Variants in NTF3 observed in about 807,000 individuals in gnomAD.
NTF3 encodes neurotrophin-3.
A neutral mutation model predicts 26.3 loss-of-function variants in NTF3; 8 were observed. The ratio of observed to expected loss-of-function variants is 0.30; its 90% CI spans 0.18 to 0.55. NTF3 has a LOEUF of 0.55. Among genes scored for constraint, NTF3 ranks in the 20% least tolerant of loss-of-function variants. NTF3 has a pLI of 0.93. For missense variants in NTF3, 276 were observed against 352.9 expected (o/e 0.78, Z 1.75); for synonymous variants, 154 against 145.5 (o/e 1.06, Z -0.42).
chr12:5,430,886 G>C (rs2121122602), upstream of NTF3, among the ~76,000 whole-genome samples: 1 of 152,120 alleles, frequency 6.6e-6, no homozygotes, highest in Middle Eastern at 3.4e-3. Context: ...GGGATGAGGG[G>C]CTTGGAGCGG....
chr12:5,430,805 C>T (rs903502951), upstream of NTF3, among the ~76,000 whole-genome samples: 2 of 152,014 alleles, frequency 1.3e-5, no homozygotes, highest in East Asian at 1.9e-4. Context: ...CGCTGCCCTT[C>T]CCAGTCGCGC....
chr12:5,457,455 C>G (rs1227371987), intron 1 of NTF3, among the ~76,000 whole-genome samples: 1 of 152,158 alleles, frequency 6.6e-6, no homozygotes, highest in Non-Finnish European at 1.5e-5. Context: ...ACCCTCTTTC[C>G]TTGGTAGGAT....
At position 5,494,995 on chromosome 12, in the gene NTF3, A is replaced by T; in HGVS notation, c.*7A>T. ...AAAAATCGGAAGAACATGAATTGGC[A>T]TCTCTCCCCATATATAAATTATTAC... On this transcript the variant is annotated 3_prime_UTR_variant, in exon 2 of 2. Transcript: ENST00000423158. The surrounding 1 kb of genome is among the most constrained non-coding windows in gnomAD (Gnocchi z 8.3). 1.2e-6 allele frequency: 2 copies of T among 1,610,498 alleles called. No individual in the cohort carries two copies. The highest frequency in any genetic ancestry group is 2.2e-5 in the South Asian group (2 of 90,574).
At chr12:5,443,668 A>G (rs981501437) in intron 1 of NTF3, among the ~76,000 whole-genome samples, 1 of 152,164 alleles carries the variant, frequency 6.6e-6, no homozygotes, top group Admixed American at 6.5e-5. Flanking sequence ...GATTGTTTTT[A>G]TGGAGGTTTT....
At chr12:5,488,533 C>G (rs189566322) in intron 1 of NTF3, among the ~76,000 whole-genome samples, 1 of 152,272 alleles carries the variant, frequency 6.6e-6, no homozygotes, top group Admixed American at 6.5e-5. Flanking sequence ...AATTCTGAGG[C>G]CTCAAGACCT....
chr12:5,491,253 A>G (rs1039098280), intron 1 of NTF3, among the ~76,000 whole-genome samples: 1 of 152,164 alleles, frequency 6.6e-6, no homozygotes, highest in Admixed American at 6.5e-5. Flanking sequence ...GAGTTCTGTT[A>G]GCAACATTCT....
At chr12:5,477,188 T>G (rs1481262999) in intron 1 of NTF3, among the ~76,000 whole-genome samples, 1 of 152,344 alleles carries the variant, frequency 6.6e-6, no homozygotes, top group East Asian at 1.9e-4. Context: ...CCCTAGTGTT[T>G]GAGAACGTGG....
intron 1 of NTF3, among the ~76,000 whole-genome samples, chr12:5,444,175 A>G (rs1421451724): frequency 6.6e-6 from 1 of 152,224 alleles, no homozygotes; most frequent in Non-Finnish European, 1.5e-5. Flanking sequence ...ACAGAGGCAC[A>G]GTCAAGGATA....
rs958857032 is a variant in NTF3, at chr12:5,456,512, T to C, written c.18+24170T>C. On this transcript the variant is annotated intron_variant, in intron 1 of 1. Coordinates refer to ENST00000423158, the MANE Select transcript of NTF3 (RefSeq NM_001102654.2). The surrounding 1 kb of genome is among the most constrained non-coding windows in gnomAD (Gnocchi z 4.4). Reference sequence around the variant, plus strand: ...CGGCACCTAACCACCTCAGGCACGGTGGACCTGGCTCCTCAGAGAGCTCTA... The same window carrying C: ...CGGCACCTAACCACCTCAGGCACGGCGGACCTGGCTCCTCAGAGAGCTCTA... Among the ~76,000 whole-genome samples, 3 of 152,026 alleles carry C rather than the reference T, an allele frequency of 2.0e-5. No individual in the cohort carries two copies. The highest frequency in any genetic ancestry group is 2.9e-5 in the Non-Finnish European group (2 of 68,004).
At chr12:5,463,127 T>C (rs1940543975) in intron 1 of NTF3, among the ~76,000 whole-genome samples, 1 of 152,134 alleles carries the variant, frequency 6.6e-6, no homozygotes, top group South Asian at 2.1e-4. Context: ...TAGACTAGCA[T>C]TGGACCCTGC....
intron 1 of NTF3, 81 bp downstream of exon 1, chr12:5,432,423 G>A: frequency 6.6e-7 from 1 of 1,519,248 alleles, no homozygotes; most frequent in Non-Finnish European, 9.0e-7. Context: ...CAGTGGACTG[G>A]TGCGGGGGGC....
intron 1 of NTF3, among the ~76,000 whole-genome samples, chr12:5,449,351 A>T (rs1490496885): frequency 6.6e-6 from 1 of 152,196 alleles, no homozygotes; most frequent in Non-Finnish European, 1.5e-5. Context: ...GCTCACTCTC[A>T]CGGCTCTTCT....
At chr12:5,467,936 T>C (rs1473816608) in intron 1 of NTF3, among the ~76,000 whole-genome samples, 2 of 152,032 alleles carry the variant, frequency 1.3e-5, no homozygotes, top group Non-Finnish European at 2.9e-5. Context: ...TCATTCCCTT[T>C]CCCCAAACTC....
Position 5,432,274 on chromosome 12 carries a change from G to A in NTF3, c.-51G>A, listed in dbSNP as rs1223604460. 3 of 1,611,132 alleles carry A rather than the reference G, an allele frequency of 1.9e-6. No homozygotes were observed. Among genetic ancestry groups the A allele is most frequent in the East Asian group, 2.2e-5 (1 of 44,846 alleles). On this transcript the variant is annotated 5_prime_UTR_variant, in exon 1 of 2. Transcript: ENST00000423158. ...GGAGACTTTGAATGACCGAGCTCGCGTCCACCTTTCTCTTCATGTCGACGT... is the reference window on the plus strand; with the variant it reads ...GGAGACTTTGAATGACCGAGCTCGCATCCACCTTTCTCTTCATGTCGACGT...
chr12:5,451,309 C>T (rs1256456938), intron 1 of NTF3, among the ~76,000 whole-genome samples: 1 of 152,190 alleles, frequency 6.6e-6, no homozygotes, highest in African/African-American at 2.4e-5. Flanking sequence ...AAACACAAAG[C>T]ATTTGCTTCC....
At chr12:5,485,989 C>T (rs896551421) in intron 1 of NTF3, among the ~76,000 whole-genome samples, 4 of 152,184 alleles carry the variant, frequency 2.6e-5, no homozygotes, top group South Asian at 2.1e-4. Flanking sequence ...TCCCAGCTGT[C>T]AGTCTTCAGA....
chr12:5,462,259 A>T (rs1940534411), intron 1 of NTF3, among the ~76,000 whole-genome samples: 2 of 152,224 alleles, frequency 1.3e-5, no homozygotes, highest in Admixed American at 1.3e-4. Context: ...GTAGCTATAT[A>T]CCAATTACTT....
At chr12:5,450,367 A>G (rs1264032747) in intron 1 of NTF3, among the ~76,000 whole-genome samples, 1 of 152,184 alleles carries the variant, frequency 6.6e-6, no homozygotes, top group East Asian at 1.9e-4. Flanking sequence ...TAACTGATAG[A>G]AATGTTTGGG....
At position 5,494,536 on chromosome 12, in the gene NTF3, G is replaced by A. The variant is rs371028635; in HGVS notation, c.361G>A (p.Asp121Asn). 1.9e-6 allele frequency: 3 copies of A among 1,614,100 alleles called. No homozygotes were observed. Among genetic ancestry groups the A allele is most frequent in the Non-Finnish European group, 8.5e-7 (1 of 1,180,026 alleles). The change falls in exon 2 of 2, where the codon GAC becomes AAC. Residue 121 changes from aspartate to asparagine, a missense_variant. This residue lies in a region of NTF3 where 221 missense variants were observed against 258.2 expected (regional missense o/e 0.86). Transcript: ENST00000423158. The surrounding 1 kb of genome is among the most constrained non-coding windows in gnomAD (Gnocchi z 8.3). ...RYNSPRVLLS[D>N]STPLEPPPLY... The stretch of plus-strand genomic sequence containing the variant: ...CAACTCACCGCGGGTCCTGCTGAGC[G>A]ACAGCACCCCCTTGGAGCCCCCGCC...
Sources: gnomAD v4.1 joint callset for allele counts (sites outside exome capture counted in the v4.1 genomes callset) on GRCh38, gnomAD v4.1.1 for gene constraint, gnomAD v4.1.1 regional missense constraint, Gnocchi (gnomAD v3.1) non-coding constraint, MANE v1.5 for transcripts, NCBI Gene and HGNC (gene_info 2026-07-23, HGNC 2026-07-21) for gene names.